The following TXNRD2 variants were observed in gnomAD, a reference collection of about 807,000 sequenced individuals.
TXNRD2 encodes thioredoxin reductase 2, mitochondrial.
In TXNRD2, 67 loss-of-function variants were observed where a neutral mutation model predicts 70.8. The observed-to-expected ratio is 0.95, with a 90% CI of 0.78 to 1.16. TXNRD2 has a LOEUF of 1.16. Among genes scored for constraint, TXNRD2 ranks in the 50% most tolerant of loss-of-function variants. The pLI, the probability that TXNRD2 is intolerant of heterozygous loss-of-function variation, is 0.00. For synonymous variants in TXNRD2, 301 were observed against 295.8 expected, an observed-to-expected ratio of 1.02 and a Z score of -0.18; for missense variants, 644 against 719.9, an observed-to-expected ratio of 0.89 and a Z score of 1.21.
chr22:19,937,161 C>T (rs1053706362), intron 1 of TXNRD2, among the ~76,000 whole-genome samples: 2 of 152,090 alleles, frequency 1.3e-5, no homozygotes, highest in South Asian at 2.1e-4. Flanking sequence ...AGAGGAGGCC[C>T]GCCTGCAGGC....
intron 9 of TXNRD2, 146 bp from the exon 10 acceptor site, chr22:19,898,276 A>T: frequency 1.3e-6 from 1 of 758,308 alleles, no homozygotes. Context: ...CCACCTCCAC[A>T]TCTCAAGTGC....
chr22:19,878,230 G>A, intron 15 of TXNRD2, 43 bp from the exon 16 acceptor site: 1 of 1,603,512 alleles, frequency 6.2e-7, no homozygotes, highest in East Asian at 2.2e-5. Flanking sequence ...GAGGGGGCTG[G>A]GTTGCGTCCA....
At chr22:19,882,660 CT>C (rs1938833134) in intron 12 of TXNRD2, among the ~76,000 whole-genome samples, 1 of 152,244 alleles carries the variant, frequency 6.6e-6, no homozygotes, top group South Asian at 2.1e-4. Context: ...TCCAGAGCCA[CT>C]TTCAGCAGCA....
intron 7 of TXNRD2, 114 bp downstream of exon 7, chr22:19,915,100 G>T: frequency 1.1e-6 from 1 of 949,046 alleles, no homozygotes; most frequent in Non-Finnish European, 1.7e-6. Flanking sequence ...GTGAGTATAG[G>T]GGGAAAGGGT....
chr22:19,912,135 G>A (rs902801713), intron 7 of TXNRD2, among the ~76,000 whole-genome samples: 5 of 152,186 alleles, frequency 3.3e-5, no homozygotes, highest in Non-Finnish European at 7.4e-5. Context: ...GTCACCTGAA[G>A]AGGGGCGGCC....
chr22:19,878,061 C>T (rs1305816139), intron 16 of TXNRD2, 29 bp downstream of exon 16: 2 of 1,582,960 alleles, frequency 1.3e-6, no homozygotes, highest in South Asian at 2.2e-5. Flanking sequence ...CTGCACATCG[C>T]ATCGCAGCCT....
At chr22:19,909,753 C>T (rs1371253644) in intron 8 of TXNRD2, among the ~76,000 whole-genome samples, 22 of 131,088 alleles carry the variant, frequency 1.7e-4, no homozygotes, top group Non-Finnish European at 3.6e-4. Flanking sequence ...CACACACACC[C>T]ACACCCTTCA....
intron 1 of TXNRD2, among the ~76,000 whole-genome samples, chr22:19,937,300 T>C (rs753641004): frequency 6.6e-6 from 1 of 152,230 alleles, no homozygotes; most frequent in Non-Finnish European, 1.5e-5. Context: ...AAGGTGTGTA[T>C]GAGAGCTTGG....
chr22:19,885,789 G>A (rs1939002453), intron 11 of TXNRD2, among the ~76,000 whole-genome samples: 1 of 152,376 alleles, frequency 6.6e-6, no homozygotes, highest in East Asian at 1.9e-4. Flanking sequence ...GAAGCCAAGA[G>A]CACTCATCAT....
intron 8 of TXNRD2, among the ~76,000 whole-genome samples, chr22:19,902,651 G>A (rs2145989716): frequency 6.6e-6 from 1 of 152,332 alleles, no homozygotes; most frequent in East Asian, 1.9e-4. Flanking sequence ...CTGGGCCGGA[G>A]CCTCTGTGTG....
chr22:19,928,536 A>G (rs1197545376), intron 2 of TXNRD2, among the ~76,000 whole-genome samples: 2 of 152,242 alleles, frequency 1.3e-5, no homozygotes, highest in Non-Finnish European at 2.9e-5. Flanking sequence ...AGTGACAGAC[A>G]GCACATGCCT....
rs751240046 is a variant in TXNRD2, at chr22:19,883,461, C to T, written c.950G>A (p.Gly317Asp). 6.2e-7 allele frequency: 1 copy of T among 1,614,020 alleles called. No homozygotes were observed. Among genetic ancestry groups the T allele is most frequent in the Admixed American group, 1.7e-5 (1 of 60,022 alleles). ...GTFDTVLWAI[G>D]RVPDTRSLNL... The stretch of plus-strand genomic sequence containing the variant: ...CAGACTTCTGGTGTCTGGGACTCGA[C>T]CTGAAGGAAACAGAGAGGGGGCTGA... The change falls in exon 12 of 18, where the codon GGT becomes GAT. Residue 317 changes from glycine (G) to aspartate (D), a missense_variant and splice_region_variant. Physicochemically the swap from Gly to Asp is moderately conservative, Grantham distance 94. This residue lies in a region of TXNRD2 where 566 missense variants were observed against 645.0 expected (regional missense o/e 0.88). Transcript: ENST00000400521.
intron 11 of TXNRD2, among the ~76,000 whole-genome samples, chr22:19,892,931 AC>A (rs1444683658): frequency 6.6e-6 from 1 of 152,224 alleles, no homozygotes; most frequent in Non-Finnish European, 1.5e-5. Flanking sequence ...TACTTTTACA[AC>A]GTGGCTGAGA....
At chr22:19,930,029 A>T (rs1941300085) in intron 2 of TXNRD2, among the ~76,000 whole-genome samples, 1 of 152,164 alleles carries the variant, frequency 6.6e-6, no homozygotes, top group African/African-American at 2.4e-5. Flanking sequence ...CGGTCTGCTA[A>T]AAGGAACAGC....
chr22:19,938,519 T>G (rs1056735293), intron 1 of TXNRD2, among the ~76,000 whole-genome samples: 3 of 152,172 alleles, frequency 2.0e-5, no homozygotes, highest in Admixed American at 2.0e-4. Context: ...TTCCTCTAAT[T>G]TATGGCCTTC....
intron 8 of TXNRD2, among the ~76,000 whole-genome samples, chr22:19,905,735 T>C (rs1261483845): frequency 6.6e-6 from 1 of 151,864 alleles, no homozygotes; most frequent in Non-Finnish European, 1.5e-5. Context: ...CAGAGAAGCC[T>C]ACGTGAAAGA....
At chr22:19,894,649 C>A (rs1939413118) in intron 11 of TXNRD2, 2 of 178,912 alleles carry the variant, frequency 1.1e-5, no homozygotes, top group South Asian at 2.3e-4. Context: ...AAGAAAAAAA[C>A]CTAGCTGGAA....
At chr22:19,929,644 G>A (rs1339509384) in intron 2 of TXNRD2, among the ~76,000 whole-genome samples, 2 of 152,094 alleles carry the variant, frequency 1.3e-5, no homozygotes, top group Non-Finnish European at 2.9e-5. Flanking sequence ...AGCCCTGCCC[G>A]CACCTGGATG....
intron 8 of TXNRD2, among the ~76,000 whole-genome samples, chr22:19,902,096 C>T (rs945653399): frequency 1.3e-5 from 2 of 152,120 alleles, no homozygotes; most frequent in Non-Finnish European, 2.9e-5. Context: ...ACTCGGGAGG[C>T]TGAGGAAGGA....
Sources: gnomAD v4.1 joint callset for allele counts (sites outside exome capture counted in the v4.1 genomes callset) on GRCh38, gnomAD v4.1.1 for gene constraint, gnomAD v4.1.1 regional missense constraint, MANE v1.5 for transcripts, NCBI Gene and HGNC (gene_info 2026-07-23, HGNC 2026-07-21) for gene names.